MAPT: variants seen among roughly 807,000 people sequenced by gnomAD.
MAPT encodes microtubule associated protein tau, also known as microtubule-associated protein tau.
Under a neutral mutation model 67.9 loss-of-function variants are expected in MAPT, and 34 were observed. That is an observed-to-expected ratio of 0.50 (90% CI 0.38 to 0.67). The LOEUF (loss-of-function observed/expected upper bound fraction) is 0.67. Among genes scored for constraint, MAPT ranks in the 30% least tolerant of loss-of-function variants. MAPT has a pLI of 0.00. For synonymous variants in MAPT, 456 were observed against 464.5 expected, an observed-to-expected ratio of 0.98 and a Z score of 0.23; for missense variants, 881 against 1,115.2, an observed-to-expected ratio of 0.79 and a Z score of 2.99.
chr17:45,948,686 C>T (rs2068747242), intron 1 of MAPT, among the ~76,000 whole-genome samples: 2 of 152,204 alleles, frequency 1.3e-5, no homozygotes, highest in African/African-American at 4.8e-5. Context: ...CTTACTCAAC[C>T]TGTCTGTTCC....
At chr17:45,953,376 G>T (rs1449919696) in intron 1 of MAPT, among the ~76,000 whole-genome samples, 2 of 152,156 alleles carry the variant, frequency 1.3e-5, no homozygotes, top group African/African-American at 4.8e-5. Context: ...ATTAGCATGG[G>T]GCAGCTGACC....
intron 12 of MAPT, 100 bp from the exon 13 acceptor site, chr17:46,023,856 A>G: frequency 1.0e-6 from 1 of 985,986 alleles, no homozygotes; most frequent in Non-Finnish European, 1.6e-6. Context: ...CAAACAAAAA[A>G]CAGTCCCTGG....
chr17:45,970,266 AATT>A (rs1269930471), intron 2 of MAPT, among the ~76,000 whole-genome samples: 4 of 152,184 alleles, frequency 2.6e-5, no homozygotes, highest in East Asian at 1.9e-4. Context: ...CCACCTAATA[AATT>A]ATTAATTCAT....
rs2065155832 is a variant in MAPT at position 45,915,660 on chromosome 17, A to G, written c.-18+20974A>G. ...ATATATAAGGCATGTAACTGAACAC[A>G]GCACTTTAGAGGGCTCTCCTGGAGT... On this transcript the variant is annotated intron_variant, in intron 1 of 12. Transcript: ENST00000262410. The surrounding 1 kb of genome is among the most constrained non-coding windows in gnomAD (Gnocchi z 4.4). 6.6e-6 allele frequency among the ~76,000 whole-genome samples: 1 copy of G among 152,052 alleles called. No individual in the cohort carries two copies. Among genetic ancestry groups the G allele is most frequent in the African/African-American group, 2.4e-5 (1 of 41,374 alleles).
At chr17:46,012,966 A>C (rs561991192) in intron 10 of MAPT, among the ~76,000 whole-genome samples, 9 of 152,110 alleles carry the variant, frequency 5.9e-5, no homozygotes, top group Non-Finnish European at 1.3e-4. Context: ...GCCCTGACAC[A>C]CATGGGTCTC....
chr17:45,904,338 ATATATATATTATATATAT>A (rs1434963461), intron 1 of MAPT, among the ~76,000 whole-genome samples: 1 of 62,418 alleles, frequency 1.6e-5, no homozygotes, highest in South Asian at 4.5e-4. Context: ...ATTATATATT[ATATATATATTATATATAT>A]TATATATATT....
intron 5 of MAPT, 134 bp downstream of exon 5, chr17:45,984,064 A>C: frequency 4.0e-6 from 3 of 755,264 alleles, no homozygotes; most frequent in Non-Finnish European, 2.2e-6. Flanking sequence ...CTAAATCGAC[A>C]CCTGGGTGCA....
At chr17:46,006,590 G>A (rs1194541821) in intron 9 of MAPT, among the ~76,000 whole-genome samples, 2 of 152,022 alleles carry the variant, frequency 1.3e-5, no homozygotes, top group Non-Finnish European at 2.9e-5. Context: ...AATTGGACTG[G>A]CTAACATGGT....
chr17:46,006,973 A>AT (rs781080218), intron 9 of MAPT, among the ~76,000 whole-genome samples: 202 of 103,834 alleles, frequency 1.9e-3, no homozygotes, highest in African/African-American at 5.7e-3. Context: ...ATAAAATAAA[A>AT]TAAAATAAAT....
intron 1 of MAPT, among the ~76,000 whole-genome samples, chr17:45,944,178 C>T (rs186791161): frequency 1.6e-4 from 25 of 152,328 alleles, no homozygotes; most frequent in Non-Finnish European, 3.1e-4. Context: ...GCAGGAGTGT[C>T]ATCATCCCCA....
intron 1 of MAPT, among the ~76,000 whole-genome samples, chr17:45,942,775 A>G (rs756123620): frequency 2.0e-5 from 3 of 152,256 alleles, no homozygotes; most frequent in Non-Finnish European, 2.9e-5. Flanking sequence ...AGTAGGGTTC[A>G]TCGACAGCCA....
At chr17:45,918,229 C>T (rs903034298) in intron 1 of MAPT, among the ~76,000 whole-genome samples, 2 of 152,218 alleles carry the variant, frequency 1.3e-5, no homozygotes, top group African/African-American at 2.4e-5. Context: ...TGTTCTTGGC[C>T]ACTGAAGCGT....
chr17:45,968,242 T>G (rs2071292839), intron 2 of MAPT, among the ~76,000 whole-genome samples: 1 of 152,078 alleles, frequency 6.6e-6, no homozygotes, highest in African/African-American at 2.4e-5. Context: ...AGCATGTGAC[T>G]TCCATGTTCA....
chr17:45,991,586 G>A lies in MAPT; in HGVS notation c.1732G>A (p.Gly578Ser), dbSNP rs540003450. The A allele has an allele frequency of 6.2e-7, 1 of 1,614,062 alleles. No homozygotes were observed. The highest frequency in any genetic ancestry group is 1.3e-5 in the African/African-American group (1 of 75,048). The change falls in exon 8 of 13, where the codon GGT (glycine) becomes AGT (serine). Residue 578 changes from glycine (G) to serine (S), a missense_variant and splice_region_variant. Gly to Ser is a moderately conservative substitution (Grantham distance 56). Around this residue, in one of 6 missense-constraint regions of MAPT, gnomAD observed 33 missense variants for 76.0 expected, o/e 0.43. Coordinates refer to ENST00000262410, the MANE Select transcript of MAPT (RefSeq NM_001377265.1). ...CGCTCCAAAGACACCACCCAGCTCTGGTAAGAAGAACGTTCTCTTGAATCT... is the reference window on the plus strand; with the variant it reads ...CGCTCCAAAGACACCACCCAGCTCTAGTAAGAAGAACGTTCTCTTGAATCT... ...PPAPKTPPSS[G>S]EPPKSGDRSG...
intron 9 of MAPT, among the ~76,000 whole-genome samples, chr17:46,009,932 TC>T (rs1443925778): frequency 6.6e-6 from 1 of 152,180 alleles, no homozygotes; most frequent in Non-Finnish European, 1.5e-5. Context: ...TATTACTCAC[TC>T]GTCAGTGTGG....
At chr17:45,999,327 A>G in intron 9 of MAPT, 3 of 1,613,930 alleles carry the variant, frequency 1.9e-6, no homozygotes, top group Non-Finnish European at 2.5e-6. Context: ...CAGCCCCCAC[A>G]AGACTGTGCA....
intron 9 of MAPT, among the ~76,000 whole-genome samples, chr17:45,997,150 T>C (rs1465910307): frequency 6.6e-6 from 1 of 152,174 alleles, no homozygotes; most frequent in Non-Finnish European, 1.5e-5. Flanking sequence ...TTTGATCAGC[T>C]GATTCTTCTG....
intron 1 of MAPT, among the ~76,000 whole-genome samples, chr17:45,958,923 C>T (rs1454358770): frequency 6.6e-6 from 1 of 151,506 alleles, no homozygotes; most frequent in Non-Finnish European, 1.5e-5. Flanking sequence ...ATTCGCCAAG[C>T]GTGGTGGCAC....
chr17:45,978,901 G>A (rs2072660828), intron 4 of MAPT: 1 of 157,068 alleles, frequency 6.4e-6, no homozygotes, highest in Non-Finnish European at 1.4e-5. Flanking sequence ...TACTCAGGAG[G>A]CTGAGGCAGG....
Sources: gnomAD v4.1 joint callset for allele counts (sites outside exome capture counted in the v4.1 genomes callset) on GRCh38, gnomAD v4.1.1 for gene constraint, gnomAD v4.1.1 regional missense constraint, Gnocchi (gnomAD v3.1) non-coding constraint, MANE v1.5 for transcripts, NCBI Gene and HGNC (gene_info 2026-07-23, HGNC 2026-07-21) for gene names.